The following EFNA5 variants were observed in gnomAD, a reference collection of about 807,000 sequenced individuals.
EFNA5 encodes ephrin A5.
A neutral mutation model predicts 22.9 loss-of-function variants in EFNA5; 5 were observed. The observed-to-expected ratio is 0.22, with a 90% confidence interval of 0.11 to 0.46. The LOEUF (loss-of-function observed/expected upper bound fraction) is 0.46, where lower values mean the gene tolerates loss of function less well. Ranked by LOEUF, EFNA5 falls within the 20% of genes least tolerant of loss-of-function variation. EFNA5 has a pLI of 0.99. For missense variants in EFNA5, 237 were observed against 293.3 expected, an observed-to-expected ratio of 0.81 and a Z score of 1.40; for synonymous variants, 113 against 112.2, an observed-to-expected ratio of 1.01 and a Z score of -0.04.
chr5:107,627,635 CAA>C (rs758660866), intron 1 of EFNA5, among the ~76,000 whole-genome samples: 2,486 of 71,962 alleles, frequency 0.035, 50 homozygotes, highest in African/African-American at 0.12. Context: ...GACCACATCT[CAA>C]AAAAAAAAAA....
chr5:107,657,040 G>A (rs948824418), intron 1 of EFNA5, among the ~76,000 whole-genome samples: 2 of 152,074 alleles, frequency 1.3e-5, no homozygotes, highest in Non-Finnish European at 2.9e-5. Context: ...ACTATACGCA[G>A]TTAAATCTGT....
At chr5:107,568,291 G>C (rs1748703856) in intron 1 of EFNA5, among the ~76,000 whole-genome samples, 1 of 152,096 alleles carries the variant, frequency 6.6e-6, no homozygotes, top group Non-Finnish European at 1.5e-5. Context: ...TTTCTACAGG[G>C]GAGGGGAAGA....
intron 1 of EFNA5, among the ~76,000 whole-genome samples, chr5:107,567,404 T>C (rs1350244902): frequency 6.6e-6 from 1 of 152,222 alleles, no homozygotes; most frequent in Non-Finnish European, 1.5e-5. Context: ...TTCAATGACC[T>C]TGGGCTTACC....
chr5:107,450,022 T>C (rs1376733657), intron 1 of EFNA5, among the ~76,000 whole-genome samples: 1 of 152,202 alleles, frequency 6.6e-6, no homozygotes, highest in Non-Finnish European at 1.5e-5. Context: ...GCAGATAGAC[T>C]TGCACATCTC....
Position 107,529,315 on chromosome 5 carries a change from C to T in EFNA5, c.126-101806G>A, listed in dbSNP as rs1747762315. Among the ~76,000 whole-genome samples, 6 of 152,166 alleles carry T rather than the reference C, an allele frequency of 3.9e-5. No homozygotes were observed. The South Asian group carries it at 1.2e-3, about 32-fold the overall frequency. On this transcript the variant is annotated intron_variant, in intron 1 of 4. Transcript: ENST00000333274. Reference sequence around the variant, plus strand: ...CAGAGGTCCTGAGTAGTGAAGTCCCCCCTACCCAAGGTTTGTTAATGTCTG... The same window carrying T: ...CAGAGGTCCTGAGTAGTGAAGTCCCTCCTACCCAAGGTTTGTTAATGTCTG...
At chr5:107,394,372 A>G (rs1747864715) in intron 2 of EFNA5, among the ~76,000 whole-genome samples, 1 of 152,228 alleles carries the variant, frequency 6.6e-6, no homozygotes, top group African/African-American at 2.4e-5. Context: ...GAGAAATAAG[A>G]ATATCATGTA....
At chr5:107,487,495 G>A (rs1746664284) in intron 1 of EFNA5, among the ~76,000 whole-genome samples, 1 of 152,230 alleles carries the variant, frequency 6.6e-6, no homozygotes, top group South Asian at 2.1e-4. Flanking sequence ...AGGAAAGAAG[G>A]AATATCTGCA....
chr5:107,461,440 G>A (rs561913528), intron 1 of EFNA5, among the ~76,000 whole-genome samples: 6 of 152,090 alleles, frequency 3.9e-5, no homozygotes, highest in African/African-American at 7.2e-5. Context: ...GAATCCAGCC[G>A]ATATACCCCT....
intron 1 of EFNA5, among the ~76,000 whole-genome samples, chr5:107,473,631 A>G (rs577248409): frequency 6.6e-6 from 1 of 151,762 alleles, no homozygotes; most frequent in East Asian, 1.9e-4. Flanking sequence ...CGATATTCTA[A>G]TTCATTAACA....
intron 1 of EFNA5, among the ~76,000 whole-genome samples, chr5:107,479,765 T>A (rs1385371498): frequency 6.6e-6 from 1 of 152,174 alleles, no homozygotes; most frequent in Admixed American, 6.5e-5. Flanking sequence ...CCAGGTATTA[T>A]CTCAAGTCTT....
chr5:107,542,655 C>T (rs1025094615), intron 1 of EFNA5, among the ~76,000 whole-genome samples: 3 of 152,138 alleles, frequency 2.0e-5, no homozygotes, highest in Non-Finnish European at 2.9e-5. Flanking sequence ...AGAAAAACGC[C>T]ACTCACCTGG....
chr5:107,433,010 C>T (rs1749003854), intron 1 of EFNA5, among the ~76,000 whole-genome samples: 1 of 152,084 alleles, frequency 6.6e-6, no homozygotes, highest in Non-Finnish European at 1.5e-5. Context: ...CTTGAGCTTA[C>T]TTGATTATAA....
At chr5:107,523,027 C>T (rs1193309536) in intron 1 of EFNA5, among the ~76,000 whole-genome samples, 1 of 152,080 alleles carries the variant, frequency 6.6e-6, no homozygotes, top group African/African-American at 2.4e-5. Flanking sequence ...ACAGATAAAG[C>T]AAAGAGACAA....
In EFNA5 at chr5:107,626,612, C is replaced by T. The variant is rs191794836; in HGVS notation, c.125+43877G>A. Among the ~76,000 whole-genome samples, 68 of 152,246 alleles carry T rather than the reference C, an allele frequency of 4.5e-4. 1 individual carries two copies. The highest frequency in any genetic ancestry group is 1.5e-3 in the African/African-American group (61 of 41,534). On this transcript the variant is annotated intron_variant, in intron 1 of 4. Coordinates refer to ENST00000333274, the MANE Select transcript of EFNA5 (RefSeq NM_001962.3). The stretch of plus-strand genomic sequence containing the variant: ...CTGTAAATTGCTAATGAGAATGAAA[C>T]ATGTATGCTGTGGACAGAAGCCTTG...
chr5:107,507,848 G>A (rs1042752643), intron 1 of EFNA5, among the ~76,000 whole-genome samples: 5 of 152,162 alleles, frequency 3.3e-5, no homozygotes, highest in African/African-American at 9.7e-5. Context: ...GTAGCTATTA[G>A]AAAACTGAAA....
At position 107,637,518 on chromosome 5, in the gene EFNA5, CTGTGTGTGTGTG is replaced by C. The variant is rs987029187; in HGVS notation, c.125+32959_125+32970del. ...GCACTGTGTGTGTGTGTGTGTGTGT[CTGTGTGTGTGTG>C]TGTGTGTGTGTGGGTTTGCTTTTCA... On this transcript the variant is annotated intron_variant, in intron 1 of 4. Coordinates refer to ENST00000333274, the MANE Select transcript of EFNA5 (RefSeq NM_001962.3). 2.8e-5 allele frequency among the ~76,000 whole-genome samples: 4 copies of C among 143,498 alleles called. No individual in the cohort carries two copies. The South Asian group carries it at 9.0e-4, about 32-fold the overall frequency. The allele number at this position is 143,498 out of a possible 152,430, so 94.1% of individuals were successfully genotyped here. A position where few individuals can be genotyped will look rare whatever the true frequency, so the allele number is the denominator to read the frequency against.
At chr5:107,564,340 T>C (rs1180780009) in intron 1 of EFNA5, among the ~76,000 whole-genome samples, 1 of 152,220 alleles carries the variant, frequency 6.6e-6, no homozygotes. Context: ...CACACCCTTC[T>C]CTCCTAAGAA....
At chr5:107,547,527 C>CAA (rs780912118) in intron 1 of EFNA5, among the ~76,000 whole-genome samples, 14 of 133,268 alleles carry the variant, frequency 1.1e-4, no homozygotes, top group African/African-American at 3.2e-4. Context: ...ACTGATGTTC[C>CAA]AAAAAAAAAA....
chr5:107,600,311 G>A (rs533162665), intron 1 of EFNA5, among the ~76,000 whole-genome samples: 8 of 152,270 alleles, frequency 5.3e-5, no homozygotes, highest in African/African-American at 1.9e-4. Context: ...TAAGGGAAAT[G>A]AATATAAATT....
Sources: allele counts gnomAD v4.1 joint callset (sites outside exome capture counted in the v4.1 genomes callset), GRCh38; gene constraint gnomAD v4.1.1; transcripts MANE v1.5; gene names NCBI Gene and HGNC (gene_info 2026-07-23, HGNC 2026-07-21).